Variants in APCDD1L observed in about 807,000 individuals in gnomAD.
The protein encoded by APCDD1L is APC down-regulated 1 like, also known as protein APCDD1-like.
APCDD1L carries 21 observed loss-of-function variants against 24.2 expected under a neutral mutation model. The ratio of observed to expected loss-of-function variants is 0.87; its 90% CI spans 0.61 to 1.25. APCDD1L has a LOEUF of 1.25. Ranked by LOEUF, APCDD1L falls within the 50% of genes most tolerant of loss-of-function variation. APCDD1L has a pLI of 0.00. For synonymous variants in APCDD1L, 321 were observed against 323.6 expected, an observed-to-expected ratio of 0.99 and a Z score of 0.09; for missense variants, 704 against 711.7, an observed-to-expected ratio of 0.99 and a Z score of 0.12.
At chr20:58,469,845 G>A (rs1989778896) in intron 2 of APCDD1L, among the ~76,000 whole-genome samples, 1 of 152,212 alleles carries the variant, frequency 6.6e-6, no homozygotes, top group South Asian at 2.1e-4. Flanking sequence ...GGCCTGGAGG[G>A]GATGTCGGGG....
chr20:58,483,865 A>T (rs1990071230), intron 1 of APCDD1L, among the ~76,000 whole-genome samples: 1 of 152,098 alleles, frequency 6.6e-6, no homozygotes, highest in Non-Finnish European at 1.5e-5. Context: ...CTCAGCCTGG[A>T]ACATGGATGA....
chr20:58,493,374 A>G (rs1007968860), intron 1 of APCDD1L, among the ~76,000 whole-genome samples: 1 of 152,262 alleles, frequency 6.6e-6, no homozygotes, highest in African/African-American at 2.4e-5. Context: ...TAACTCTAGC[A>G]CATTTACACC....
intron 1 of APCDD1L, among the ~76,000 whole-genome samples, chr20:58,482,147 G>A (rs1476044066): frequency 2.0e-5 from 3 of 152,206 alleles, no homozygotes; most frequent in Non-Finnish European, 2.9e-5. Flanking sequence ...TTCTTACATT[G>A]TATTGAGATT....
intron 1 of APCDD1L, among the ~76,000 whole-genome samples, chr20:58,491,021 G>T (rs560532240): frequency 2.4e-4 from 37 of 152,296 alleles, no homozygotes; most frequent in African/African-American, 8.7e-4. Flanking sequence ...CAGATTAAAA[G>T]ATCTTTCCAA....
In APCDD1L at chr20:58,461,526, C is replaced by G; in HGVS notation, c.770G>C (p.Gly257Ala). 2.8e-6 allele frequency: 4 copies of G among 1,441,368 alleles called. No individual in the cohort carries two copies. The highest frequency in any genetic ancestry group is 3.7e-6 in the Non-Finnish European group (4 of 1,092,276). The allele number at this position is 1,441,368 out of a possible 1,614,324, so 89.3% of individuals were successfully genotyped here. A position where few individuals can be genotyped will look rare whatever the true frequency, so the allele number is the denominator to read the frequency against. ...GTGCACATCGGAGCGGGCAATGAGG[C>G]CACAGGCTGGGCACGGCTGCACGTG... ...LHHVQPCPAC[G>A]LIARSDVHHP... The change falls in exon 4 of 4, where the codon GGC (glycine) becomes GCC (alanine). Residue 257 changes from glycine (G) to alanine (A), a missense_variant. Transcript: ENST00000371149. This position sits in a 1 kb window ranked among gnomAD's most constrained non-coding sequence, Gnocchi z 6.0.
At chr20:58,472,689 C>G (rs150005486) in intron 1 of APCDD1L, among the ~76,000 whole-genome samples, 2 of 152,242 alleles carry the variant, frequency 1.3e-5, no homozygotes, top group Non-Finnish European at 2.9e-5. Flanking sequence ...GCCACCCAGC[C>G]AGGGCCAAGG....
At chr20:58,476,486 G>T (rs2123149261) in intron 1 of APCDD1L, among the ~76,000 whole-genome samples, 1 of 152,330 alleles carries the variant, frequency 6.6e-6, no homozygotes, top group South Asian at 2.1e-4. Flanking sequence ...ACTGCGCCCT[G>T]CCCCAAATAC....
intron 1 of APCDD1L, among the ~76,000 whole-genome samples, chr20:58,496,842 G>A (rs1455310390): frequency 6.6e-6 from 1 of 152,156 alleles, no homozygotes; most frequent in African/African-American, 2.4e-5. Context: ...GCCCCTGAGG[G>A]GGCCAGGCCA....
At chr20:58,488,541 G>T (rs1990167329) in intron 1 of APCDD1L, among the ~76,000 whole-genome samples, 1 of 152,136 alleles carries the variant, frequency 6.6e-6, no homozygotes. Flanking sequence ...ACAATGCAAA[G>T]AAATTAAAAG....
rs1186931267 is a variant in APCDD1L, at chr20:58,467,964, G to T, written c.189-306C>A. On this transcript the variant is annotated intron_variant, in intron 2 of 3. Transcript: ENST00000371149. This position sits in a 1 kb window ranked among gnomAD's most constrained non-coding sequence, Gnocchi z 5.9. ...GGGGACCCGCTGGCCTGGGAGCTCC[G>T]GGATGCCCTGCCTGCTTCCTCCCCC... Among the ~76,000 whole-genome samples, 2 of 152,108 alleles carry T rather than the reference G, an allele frequency of 1.3e-5. No individual in the cohort carries two copies. The highest frequency in any genetic ancestry group is 2.9e-5 in the Non-Finnish European group (2 of 68,022).
chr20:58,483,687 C>G (rs1282885388), intron 1 of APCDD1L, among the ~76,000 whole-genome samples: 4 of 152,234 alleles, frequency 2.6e-5, no homozygotes, highest in Non-Finnish European at 4.4e-5. Context: ...GGCCCAGGCT[C>G]TACGGCCCCC....
chr20:58,513,959 T>G (rs892196065), intron 1 of APCDD1L: 2 of 1,294,658 alleles, frequency 1.5e-6, no homozygotes, highest in East Asian at 1.1e-4. Context: ...CTGTGGTTAC[T>G]GTCATTTTTG....
intron 1 of APCDD1L, among the ~76,000 whole-genome samples, chr20:58,498,794 G>C (rs1453149638): frequency 1.3e-5 from 2 of 152,218 alleles, no homozygotes; most frequent in African/African-American, 2.4e-5. Context: ...AAGCTCCTCT[G>C]TCATTGGAGA....
Position 58,461,715 on chromosome 20 carries a change from C to T in APCDD1L, c.742-161G>A. The T allele has an allele frequency of 1.4e-6, 1 of 714,828 alleles. No homozygotes were observed. The highest frequency in any genetic ancestry group is 3.3e-5 in the East Asian group (1 of 30,362). 44.3% of individuals were successfully genotyped at this position (714,828 alleles called of 1,614,324 possible). ...CACTCCCTGCCTTCAGTCAGGACGACCTCCTTGCTTCAGCCAGGATGGCCT... is the reference window on the plus strand; with the variant it reads ...CACTCCCTGCCTTCAGTCAGGACGATCTCCTTGCTTCAGCCAGGATGGCCT... On this transcript the variant is annotated intron_variant, in intron 3 of 3. Coordinates refer to ENST00000371149, the MANE Select transcript of APCDD1L (RefSeq NM_153360.3). The surrounding 1 kb of genome is among the most constrained non-coding windows in gnomAD (Gnocchi z 6.0).
At chr20:58,495,114 C>T (rs1382808153) in intron 1 of APCDD1L, among the ~76,000 whole-genome samples, 1 of 152,178 alleles carries the variant, frequency 6.6e-6, no homozygotes, top group Non-Finnish European at 1.5e-5. Context: ...CTCCTTCAGC[C>T]AAAGGGAGGG....
intron 1 of APCDD1L, among the ~76,000 whole-genome samples, chr20:58,504,842 G>T (rs1990504041): frequency 6.6e-6 from 1 of 152,188 alleles, no homozygotes; most frequent in Admixed American, 6.5e-5. Flanking sequence ...AGGACCCCCA[G>T]TTCTGTAGGT....
In APCDD1L at chr20:58,497,165, C is replaced by T. The variant is rs1161861828; in HGVS notation, c.49+17494G>A. On this transcript the variant is annotated intron_variant, in intron 1 of 3. Coordinates refer to ENST00000371149, the MANE Select transcript of APCDD1L (RefSeq NM_153360.3). This position sits in a 1 kb window ranked among gnomAD's most constrained non-coding sequence, Gnocchi z 4.3. ...AGATGGGGGATGAGGAGGGGGTTGGCGGGAGTATGGGAGCTGGTGAAAGGG... is the reference window on the plus strand; with the variant it reads ...AGATGGGGGATGAGGAGGGGGTTGGTGGGAGTATGGGAGCTGGTGAAAGGG... 6.7e-5 allele frequency among the ~76,000 whole-genome samples: 8 copies of T among 119,856 alleles called. No individual in the cohort carries two copies. The highest frequency in any genetic ancestry group is 5.2e-4 in the South Asian group (2 of 3,852). 78.6% of individuals were successfully genotyped at this position (119,856 alleles called of 152,430 possible). A position where few individuals can be genotyped will look rare whatever the true frequency, so the allele number is the denominator to read the frequency against.
In APCDD1L at chr20:58,467,477, CGGT is replaced by C; in HGVS notation, c.367_369del (p.Thr123del). Reference sequence around the variant, plus strand: ...ACCTTGTGCAGGTGGTAGTCGGCCTCGGTGGCTCCCCGGGTGACCCAGGAGGCC... The same window carrying C: ...ACCTTGTGCAGGTGGTAGTCGGCCTCGGCTCCCCGGGTGACCCAGGAGGCC... On this transcript the variant is annotated inframe_deletion, in exon 3 of 4. Coordinates refer to ENST00000371149, the MANE Select transcript of APCDD1L (RefSeq NM_153360.3). The surrounding 1 kb of genome is among the most constrained non-coding windows in gnomAD (Gnocchi z 5.9). 1 of 1,598,396 alleles carries C rather than the reference CGGT, an allele frequency of 6.3e-7. No individual in the cohort carries two copies. The highest frequency in any genetic ancestry group is 8.5e-7 in the Non-Finnish European group (1 of 1,173,354).
Position 58,502,858 on chromosome 20 carries a change from T to G in APCDD1L, c.49+11801A>C, listed in dbSNP as rs185130614. 2.0e-5 allele frequency among the ~76,000 whole-genome samples: 3 copies of G among 152,288 alleles called. No individual in the cohort carries two copies. The East Asian group carries it at 5.8e-4, about 29-fold the overall frequency. The stretch of plus-strand genomic sequence containing the variant: ...CTTAGAAGCTCTTTAGCAATAAATA[T>G]GCAAATTACAAATTATTCCACGTTC... On this transcript the variant is annotated intron_variant, in intron 1 of 3. Transcript: ENST00000371149.
Sources: allele counts gnomAD v4.1 joint callset (sites outside exome capture counted in the v4.1 genomes callset), GRCh38; gene constraint gnomAD v4.1.1; non-coding constraint Gnocchi (gnomAD v3.1); transcripts MANE v1.5; gene names NCBI Gene and HGNC (gene_info 2026-07-23, HGNC 2026-07-21).